The following ASS1 variants were observed in gnomAD, a reference collection of about 807,000 sequenced individuals.
ASS1 encodes argininosuccinate synthase.
In ASS1, 58 loss-of-function variants were observed where a neutral mutation model predicts 60.5. The ratio of observed to expected loss-of-function variants is 0.96; its 90% CI spans 0.78 to 1.19. The LOEUF (loss-of-function observed/expected upper bound fraction) is 1.19. ASS1 is among the 50% of genes most tolerant of loss of function. The probability of loss-of-function intolerance (pLI) is 0.00; values close to 1 mark genes in which losing one functional copy is unlikely to be tolerated. For synonymous variants in ASS1, 200 were observed against 206.9 expected (o/e 0.97, Z 0.29); for missense variants, 454 against 547.3 (o/e 0.83, Z 1.70).
In ASS1 at chr9:130,470,994, A is replaced by C; in HGVS notation, c.566+90A>C. On this transcript the variant is annotated intron_variant, in intron 7 of 14. Transcript: ENST00000352480. This position sits in a 1 kb window ranked among gnomAD's most constrained non-coding sequence, Gnocchi z 4.3. ...GCCCCAGGACGTCCTGGTGACCCCC[A>C]CACCAGTGGTCCCTGCCCTCGGGGA... is the stretch of plus-strand genomic sequence containing the variant. 2 of 1,409,960 alleles carry C rather than the reference A, an allele frequency of 1.4e-6. No homozygotes were observed. Among genetic ancestry groups the C allele is most frequent in the Non-Finnish European group, 2.0e-6 (2 of 997,162 alleles). The allele number at this position is 1,409,960 out of a possible 1,614,324, so 87.3% of individuals were successfully genotyped here.
At position 130,476,625 on chromosome 9, in the gene ASS1, T is replaced by G. The variant is rs892333747; in HGVS notation, c.598-246T>G. 1.7e-6 allele frequency: 1 copy of G among 585,614 alleles called. No individual in the cohort carries two copies. The highest frequency in any genetic ancestry group is 3.0e-5 in the Admixed American group (1 of 33,878). 36.3% of individuals were successfully genotyped at this position (585,614 alleles called of 1,614,324 possible). A position where few individuals can be genotyped will look rare whatever the true frequency, so the allele number is the denominator to read the frequency against. ...TATTCTACCTCCAGCTGTGGGGGCG[T>G]CGAAGAAAAAGATGAGATCAAGTTG... On this transcript the variant is annotated intron_variant, in intron 8 of 14. Coordinates refer to ENST00000352480, the MANE Select transcript of ASS1 (RefSeq NM_054012.4). This position sits in a 1 kb window ranked among gnomAD's most constrained non-coding sequence, Gnocchi z 4.9.
intron 14 of ASS1, among the ~76,000 whole-genome samples, chr9:130,499,809 G>T (rs554976822): frequency 2.0e-5 from 3 of 152,316 alleles, no homozygotes; most frequent in East Asian, 3.9e-4. Flanking sequence ...AGGTTCCTGT[G>T]TCCCACCGGG....
chr9:130,460,038 G>A (rs75574388), intron 4 of ASS1, among the ~76,000 whole-genome samples: 3,064 of 152,330 alleles, frequency 0.02, 96 homozygotes, highest in African/African-American at 0.07. Context: ...CATGCCAAGA[G>A]CCTGGTACAG....
rs1321267678 is a variant in ASS1 at position 130,458,399 on chromosome 9, A to G, written c.175-2A>G. 1.9e-6 allele frequency: 3 copies of G among 1,611,942 alleles called. No individual in the cohort carries two copies. Among genetic ancestry groups the G allele is most frequent in the Non-Finnish European group, 2.5e-6 (3 of 1,179,854 alleles). On this transcript the variant is annotated splice_acceptor_variant, in intron 3 of 14. Coordinates refer to ENST00000352480, the MANE Select transcript of ASS1 (RefSeq NM_054012.4). LOFTEE classifies it high-confidence loss of function. ...CTTCCTTCTGGGCTCCTCTTCCCGT[A>G]GGTGTTCATTGAGGATGTCAGCAGG... is the stretch of plus-strand genomic sequence containing the variant.
At position 130,463,918 on chromosome 9, in the gene ASS1, C is replaced by T. The variant is rs1036804243; in HGVS notation, c.364-193C>T. Among the ~76,000 whole-genome samples the T allele has an allele frequency of 1.2e-4, 18 of 152,228 alleles. No homozygotes were observed. In the East Asian group the frequency reaches 1.7e-3, roughly 15 times the overall value. On this transcript the variant is annotated intron_variant, in intron 4 of 14. Transcript: ENST00000352480. ...ATGTGTGCCCTCTCCTATACTCTGC[C>T]ATGTCCCCAGACGTGCACATCTCCC...
At chr9:130,464,648 G>C (rs1398150524) in intron 5 of ASS1, among the ~76,000 whole-genome samples, 1 of 152,150 alleles carries the variant, frequency 6.6e-6, no homozygotes, top group Non-Finnish European at 1.5e-5. Context: ...AGCATCTCTT[G>C]AGCCTTTCCT....
chr9:130,475,962 T>C (rs1227452955), intron 8 of ASS1, among the ~76,000 whole-genome samples: 1 of 152,150 alleles, frequency 6.6e-6, no homozygotes, highest in African/African-American at 2.4e-5. Context: ...TTTCACCGCG[T>C]TGCCCAGGCT....
chr9:130,461,715 C>T (rs577999186), intron 4 of ASS1, among the ~76,000 whole-genome samples: 1 of 152,314 alleles, frequency 6.6e-6, no homozygotes, highest in African/African-American at 2.4e-5. Context: ...AGTGGAGAAC[C>T]AGGAAGGCTG....
intron 2 of ASS1, among the ~76,000 whole-genome samples, chr9:130,453,060 C>G: frequency 6.6e-6 from 1 of 152,232 alleles, no homozygotes; most frequent in East Asian, 1.9e-4. Flanking sequence ...CCAGGTGCTT[C>G]TAAGATCTAT....
chr9:130,479,855 C>A (rs760297911), intron 10 of ASS1, 55 bp downstream of exon 10: 3 of 1,542,136 alleles, frequency 1.9e-6, no homozygotes, highest in East Asian at 2.2e-5. Flanking sequence ...CGGGCGAGCA[C>A]GAGCCTGGAC....
At chr9:130,480,144 G>A (rs970308483) in intron 10 of ASS1, among the ~76,000 whole-genome samples, 32 of 152,364 alleles carry the variant, frequency 2.1e-4, no homozygotes, top group African/African-American at 5.8e-4. Context: ...CACAGGGAAC[G>A]GAAGGAACAA....
In ASS1 at chr9:130,477,039, C is replaced by T. The variant is rs1010330590; in HGVS notation, c.688+78C>T. Reference sequence around the variant, plus strand: ...TCCTTTCCCCTCCCTGCCTGGGAACCTAGGCCCTCTTTACCCCCGCCCTGC... The same window carrying T: ...TCCTTTCCCCTCCCTGCCTGGGAACTTAGGCCCTCTTTACCCCCGCCCTGC... On this transcript the variant is annotated intron_variant, in intron 9 of 14. Coordinates refer to ENST00000352480, the MANE Select transcript of ASS1 (RefSeq NM_054012.4). This position sits in a 1 kb window ranked among gnomAD's most constrained non-coding sequence, Gnocchi z 4.2. 6.8e-6 allele frequency: 10 copies of T among 1,464,234 alleles called. No homozygotes were observed. The African/African-American group carries it at 1.3e-4, about 18-fold the overall frequency. The allele number at this position is 1,464,234 out of a possible 1,614,324, so 90.7% of individuals were successfully genotyped here.
intron 2 of ASS1, 104 bp from the exon 3 acceptor site, chr9:130,454,201 G>C: frequency 1.7e-6 from 2 of 1,185,212 alleles, no homozygotes; most frequent in East Asian, 2.5e-5. Flanking sequence ...CCATGGAATG[G>C]AAGCTGTCTC....
At chr9:130,483,551 A>T (rs1414780822) in intron 11 of ASS1, among the ~76,000 whole-genome samples, 1 of 147,260 alleles carries the variant, frequency 6.8e-6, no homozygotes, top group Non-Finnish European at 1.5e-5. Flanking sequence ...AGTAAATGAA[A>T]TCAGTGGGGA....
chr9:130,482,987 T>A lies in ASS1; in HGVS notation c.838+2538T>A, dbSNP rs377607065. Among the ~76,000 whole-genome samples, 223 of 152,366 alleles carry A rather than the reference T, an allele frequency of 1.5e-3. 1 individual carries two copies. The highest frequency in any genetic ancestry group is 6.8e-3 in the Middle Eastern group (2 of 294). On this transcript the variant is annotated intron_variant, in intron 11 of 14. Coordinates refer to ENST00000352480, the MANE Select transcript of ASS1 (RefSeq NM_054012.4). ...GAACTCCAATTGTCAAGGGGCCAGATGAGGAGGTCGTATCATCTCCCTCTG... is the reference window on the plus strand; with the variant it reads ...GAACTCCAATTGTCAAGGGGCCAGAAGAGGAGGTCGTATCATCTCCCTCTG...
chr9:130,499,434 G>T, intron 13 of ASS1, 71 bp from the exon 14 acceptor site: 1 of 1,516,396 alleles, frequency 6.6e-7, no homozygotes, highest in South Asian at 1.2e-5. Context: ...GCTGCTTCTG[G>T]CCCCAGCAGT....
At chr9:130,471,750 G>A (rs573861905) in intron 8 of ASS1, among the ~76,000 whole-genome samples, 1 of 152,274 alleles carries the variant, frequency 6.6e-6, no homozygotes, top group East Asian at 1.9e-4. Flanking sequence ...TTGCCTCTGG[G>A]ATGAACAGGG....
At chr9:130,465,034 T>TTATATATA (rs200387339) in intron 5 of ASS1, among the ~76,000 whole-genome samples, 1 of 139,302 alleles carries the variant, frequency 7.2e-6, no homozygotes, top group African/African-American at 2.7e-5. Context: ...TACATATGTT[T>TTATATATA]TATATATATA....
chr9:130,497,321 C>T (rs574192307), intron 13 of ASS1, among the ~76,000 whole-genome samples: 1 of 152,288 alleles, frequency 6.6e-6, no homozygotes, highest in East Asian at 1.9e-4. Context: ...CTTGAAAGCC[C>T]TTGAGTGACA....
Sources: allele counts gnomAD v4.1 joint callset (sites outside exome capture counted in the v4.1 genomes callset), GRCh38; gene constraint gnomAD v4.1.1; non-coding constraint Gnocchi (gnomAD v3.1); transcripts MANE v1.5; gene names NCBI Gene and HGNC (gene_info 2026-07-23, HGNC 2026-07-21).